GHR: variants seen among roughly 807,000 people sequenced by gnomAD.
The protein encoded by GHR is growth hormone receptor.
Under a neutral mutation model 67.1 loss-of-function variants are expected in GHR, and 35 were observed. The observed-to-expected ratio is 0.52, with a 90% CI of 0.40 to 0.69. The LOEUF (loss-of-function observed/expected upper bound fraction) is 0.69, where lower values mean the gene tolerates loss of function less well. Ranked by LOEUF, GHR falls within the 30% of genes least tolerant of loss-of-function variation. The pLI is 0.00. For missense variants in GHR, 792 were observed against 764.6 expected (o/e 1.04, Z -0.42); for synonymous variants, 272 against 269.1 (o/e 1.01, Z -0.10).
At chr5:42,714,416 C>T (rs1758620472) in intron 8 of GHR, among the ~76,000 whole-genome samples, 1 of 152,072 alleles carries the variant, frequency 6.6e-6, no homozygotes, top group Non-Finnish European at 1.5e-5. Flanking sequence ...AGCCAAGAGG[C>T]ATCTATAAAT....
At chr5:42,448,737 T>A (rs1252766490) in intron 1 of GHR, among the ~76,000 whole-genome samples, 1 of 152,010 alleles carries the variant, frequency 6.6e-6, no homozygotes, top group Non-Finnish European at 1.5e-5. Flanking sequence ...GTTTTTTTGA[T>A]GTTATCTTCT....
rs371876643 is a variant in GHR, at chr5:42,486,905, G to A, written c.-12+62950G>A. ...TTTTTTAATGGATGTGAGTGGAAGA[G>A]ACTAATGAGATAACACAAAAGAGTT... On this transcript the variant is annotated intron_variant, in intron 1 of 9. Coordinates refer to ENST00000230882, the MANE Select transcript of GHR (RefSeq NM_000163.5). Among the ~76,000 whole-genome samples the A allele has an allele frequency of 1.3e-4, 20 of 151,436 alleles. No homozygotes were observed. The South Asian group carries it at 4.0e-3, about 30-fold the overall frequency.
chr5:42,531,409 T>C (rs1235369624), intron 1 of GHR, among the ~76,000 whole-genome samples: 1 of 152,142 alleles, frequency 6.6e-6, no homozygotes, highest in Non-Finnish European at 1.5e-5. Context: ...GGATTTTCTC[T>C]ACAATGATTT....
intron 2 of GHR, among the ~76,000 whole-genome samples, chr5:42,617,129 G>A (rs548143601): frequency 2.6e-5 from 4 of 151,636 alleles, no homozygotes; most frequent in African/African-American, 9.7e-5. Flanking sequence ...TTCTTTTTTG[G>A]TGGTGTTCTT....
chr5:42,649,936 C>A (rs1027229371), intron 3 of GHR, among the ~76,000 whole-genome samples: 1 of 152,084 alleles, frequency 6.6e-6, no homozygotes, highest in Non-Finnish European at 1.5e-5. Context: ...GAGCCAGCCA[C>A]CCAGGGAAGA....
chr5:42,627,406 G>A (rs1753756603), intron 2 of GHR, among the ~76,000 whole-genome samples: 1 of 152,132 alleles, frequency 6.6e-6, no homozygotes. Context: ...TAGAGGTTAG[G>A]TGCAATTTTA....
At chr5:42,474,587 G>A (rs1273023625) in intron 1 of GHR, among the ~76,000 whole-genome samples, 1 of 152,008 alleles carries the variant, frequency 6.6e-6, no homozygotes. Flanking sequence ...CCTAAGCCTG[G>A]GAACCACGAT....
intron 2 of GHR, among the ~76,000 whole-genome samples, chr5:42,604,262 A>G (rs538970221): frequency 9.9e-4 from 151 of 152,282 alleles, no homozygotes; most frequent in South Asian, 2.9e-3. Context: ...TGGAGACCTC[A>G]TTGGATAGGC....
chr5:42,479,670 C>A (rs909054726), intron 1 of GHR, among the ~76,000 whole-genome samples: 3 of 152,250 alleles, frequency 2.0e-5, no homozygotes, highest in Non-Finnish European at 1.5e-5. Flanking sequence ...AGTTTATTTG[C>A]GTAAAGGTGT....
intron 1 of GHR, among the ~76,000 whole-genome samples, chr5:42,525,991 T>C (rs1387415681): frequency 2.6e-5 from 4 of 152,182 alleles, no homozygotes; most frequent in African/African-American, 9.7e-5. Flanking sequence ...AACAAACTAA[T>C]ACAGTGTCCA....
At chr5:42,576,139 A>C (rs1161587023) in intron 2 of GHR, among the ~76,000 whole-genome samples, 1 of 99,014 alleles carries the variant, frequency 1.0e-5, no homozygotes, top group Non-Finnish European at 2.2e-5. Context: ...AAAATAAAAT[A>C]AAATAGTAAA....
intron 3 of GHR, among the ~76,000 whole-genome samples, chr5:42,635,825 T>G (rs36109172): frequency 8.5e-5 from 13 of 152,126 alleles, no homozygotes; most frequent in African/African-American, 3.1e-4. Context: ...ACTGAGGTCT[T>G]CTATTTCTTT....
At chr5:42,679,008 CAT>C (rs1256583662) in intron 3 of GHR, among the ~76,000 whole-genome samples, 5 of 144,388 alleles carry the variant, frequency 3.5e-5, no homozygotes, top group South Asian at 2.2e-4. Flanking sequence ...GAATTAATAA[CAT>C]ATTAATTCAT....
At chr5:42,440,170 A>G (rs1404045276) in intron 1 of GHR, among the ~76,000 whole-genome samples, 1 of 152,228 alleles carries the variant, frequency 6.6e-6, no homozygotes, top group Admixed American at 6.5e-5. Context: ...AGGTGCTAGC[A>G]TAGTATAATA....
intron 1 of GHR, among the ~76,000 whole-genome samples, chr5:42,531,825 A>G (rs1216371156): frequency 6.6e-6 from 1 of 152,164 alleles, no homozygotes; most frequent in Non-Finnish European, 1.5e-5. Flanking sequence ...ACATGACTCC[A>G]TGGTACGGCT....
At chr5:42,478,995 CA>C (rs1427840407) in intron 1 of GHR, among the ~76,000 whole-genome samples, 2 of 152,142 alleles carry the variant, frequency 1.3e-5, no homozygotes, top group African/African-American at 4.8e-5. Flanking sequence ...AGTTTTTGCC[CA>C]TTCAGTATGA....
intron 2 of GHR, among the ~76,000 whole-genome samples, chr5:42,614,349 A>G (rs1195957207): frequency 1.3e-5 from 2 of 151,884 alleles, no homozygotes; most frequent in African/African-American, 4.8e-5. Flanking sequence ...GAGAAGTAGA[A>G]AAGGAAAAAG....
intron 2 of GHR, among the ~76,000 whole-genome samples, chr5:42,605,694 G>T (rs1297818331): frequency 6.6e-6 from 1 of 152,166 alleles, no homozygotes; most frequent in African/African-American, 2.4e-5. Flanking sequence ...CATTTACTTT[G>T]CTCTCTCAAA....
chr5:42,533,922 T>C (rs1200695562), intron 1 of GHR, among the ~76,000 whole-genome samples: 1 of 146,724 alleles, frequency 6.8e-6, no homozygotes, highest in Non-Finnish European at 1.5e-5. Context: ...AGTGAGAACA[T>C]ATCATGTTTG....
Sources: gnomAD v4.1 joint callset for allele counts (sites outside exome capture counted in the v4.1 genomes callset) on GRCh38, gnomAD v4.1.1 for gene constraint, MANE v1.5 for transcripts, NCBI Gene and HGNC (gene_info 2026-07-23, HGNC 2026-07-21) for gene names.